Variants in ZNF701 observed in about 807,000 individuals in gnomAD.
ZNF701 encodes the protein zinc finger protein 701.
Under a neutral mutation model 7.1 loss-of-function variants are expected in ZNF701, and 6 were observed. The ratio of observed to expected loss-of-function variants is 0.84; its 90% confidence interval spans 0.46 to 1.66. The LOEUF (loss-of-function observed/expected upper bound fraction) is 1.66, where lower values mean the gene tolerates loss of function less well. Ranked by LOEUF, ZNF701 falls within the 40% of genes most tolerant of loss-of-function variation. The probability of loss-of-function intolerance (pLI) is 0.01; values close to 1 mark genes in which losing one functional copy is unlikely to be tolerated. For synonymous variants in ZNF701, 166 were observed against 188.2 expected, an observed-to-expected ratio of 0.88 and a Z score of 0.97; for missense variants, 541 against 559.2, an observed-to-expected ratio of 0.97 and a Z score of 0.33.
At chr19:52,573,870 C>A (rs1439372772) in intron 1 of ZNF701, among the ~76,000 whole-genome samples, 1 of 152,194 alleles carries the variant, frequency 6.6e-6, no homozygotes, top group African/African-American at 2.4e-5. Context: ...GAGCTCATTC[C>A]AGCCCAGCTC....
At chr19:52,578,753 C>T (rs930834764) in intron 3 of ZNF701, among the ~76,000 whole-genome samples, 8 of 152,202 alleles carry the variant, frequency 5.3e-5, no homozygotes, top group Middle Eastern at 3.4e-3. Context: ...ACTACGTTAG[C>T]GTCCATTTCT....
intron 2 of ZNF701, among the ~76,000 whole-genome samples, chr19:52,575,131 G>T (rs755189548): frequency 6.6e-6 from 1 of 151,958 alleles, no homozygotes; most frequent in Non-Finnish European, 1.5e-5. Context: ...CACCACGCCC[G>T]GATAATTTTT....
rs533107871 is a variant in ZNF701 at position 52,574,663 on chromosome 19, C to G, written c.15+501C>G. 4.6e-5 allele frequency among the ~76,000 whole-genome samples: 7 copies of G among 152,160 alleles called. No individual in the cohort carries two copies. The South Asian group carries it at 1.5e-3, about 32-fold the overall frequency. ...TGTGTTTCTGACTCAAAAAATTGTA[C>G]TAATTAGAATGGAAAGTTCATAAAC... On this transcript the variant is annotated intron_variant, in intron 2 of 3. Coordinates refer to ENST00000391785, the MANE Select transcript of ZNF701 (RefSeq NM_018260.3).
At chr19:52,572,641 G>A (rs117655525) in intron 1 of ZNF701, 26 of 346,928 alleles carry the variant, frequency 7.5e-5, no homozygotes, top group East Asian at 8.3e-5. Context: ...AAATGTCCCC[G>A]TTCTGAGGAT....
At chr19:52,577,053 GA>G (rs2059939315) in intron 3 of ZNF701, among the ~76,000 whole-genome samples, 1 of 152,170 alleles carries the variant, frequency 6.6e-6, no homozygotes, top group South Asian at 2.1e-4. Context: ...TGAGATCTCT[GA>G]AATGACATCT....
chr19:52,590,986 C>T (rs562754487), downstream of ZNF701, among the ~76,000 whole-genome samples: 3 of 152,036 alleles, frequency 2.0e-5, no homozygotes, highest in African/African-American at 2.4e-5. Context: ...ACTACAGGCA[C>T]GCACCACCAT....
rs1487291202 is a variant in ZNF701, at chr19:52,587,100, A to G, written c.*3643A>G. On this transcript the variant is annotated 3_prime_UTR_variant, in exon 4 of 4. Coordinates refer to ENST00000391785, the MANE Select transcript of ZNF701 (RefSeq NM_018260.3). ...CCTACACATCTCAGATGAGGGTGAC[A>G]GTGTACTTCTGGGTGCTTAGCTGAG... The G allele has an allele frequency of 6.6e-6, 1 of 152,208 alleles. No individual in the cohort carries two copies. The highest frequency in any genetic ancestry group is 2.4e-5 in the African/African-American group (1 of 41,452). The allele number at this position is 152,208 out of a possible 1,614,324, so 9.4% of individuals were successfully genotyped here.
At chr19:52,591,382 T>C (rs1395004967), downstream of ZNF701, among the ~76,000 whole-genome samples, 9 of 152,096 alleles carry the variant, frequency 5.9e-5, no homozygotes, top group Non-Finnish European at 1.2e-4. Context: ...GTTTTCACCA[T>C]GTTGGCCAGG....
At chr19:52,582,056 A>T (rs1221305273) in intron 3 of ZNF701, 146 bp from the exon 4 acceptor site, 3 of 628,808 alleles carry the variant, frequency 4.8e-6, no homozygotes, top group Non-Finnish European at 7.6e-6. Context: ...TTATTAAAGG[A>T]TCTTACTCCT....
the ZNF701 span, among the ~76,000 whole-genome samples, chr19:52,598,425 T>C: frequency 4.7e-5 from 7 of 150,444 alleles, no homozygotes; most frequent in East Asian, 2.0e-4. Flanking sequence ...TGGGGCAGGG[T>C]GGGGGAGAGG....
At chr19:52,577,256 T>C (rs889281843) in intron 3 of ZNF701, among the ~76,000 whole-genome samples, 18 of 152,080 alleles carry the variant, frequency 1.2e-4, no homozygotes, top group African/African-American at 3.9e-4. Context: ...CTCACCACCA[T>C]GCCCAGCTAA....
rs2059992268 is a variant in ZNF701 at position 52,583,789 on chromosome 19, A to T, written c.*332A>T. 3 of 625,006 alleles carry T rather than the reference A, an allele frequency of 4.8e-6. No individual in the cohort carries two copies. The Admixed American group carries it at 7.2e-5, about 15-fold the overall frequency. The allele number at this position is 625,006 out of a possible 1,614,324, so 38.7% of individuals were successfully genotyped here. A position where few individuals can be genotyped will look rare whatever the true frequency, so the allele number is the denominator to read the frequency against. Reference sequence around the variant, plus strand: ...GCAATCCATGGTATAGGGAAACTTGACTAATGTAATGATTGTCACAAAGTC... The same window carrying T: ...GCAATCCATGGTATAGGGAAACTTGTCTAATGTAATGATTGTCACAAAGTC... On this transcript the variant is annotated 3_prime_UTR_variant, in exon 4 of 4. Coordinates refer to ENST00000391785, the MANE Select transcript of ZNF701 (RefSeq NM_018260.3).
the ZNF701 span, chr19:52,597,843 C>G: frequency 5.2e-5 from 9 of 172,940 alleles, no homozygotes; most frequent in African/African-American, 2.2e-4. Context: ...AGCTGGACCC[C>G]AGGTGTCGTC....
intron 1 of ZNF701, among the ~76,000 whole-genome samples, chr19:52,571,274 C>T (rs1472115942): frequency 6.6e-6 from 1 of 151,256 alleles, no homozygotes; most frequent in Non-Finnish European, 1.5e-5. Context: ...GGAGCCAGGG[C>T]AGACAGAGCA....
intron 3 of ZNF701, among the ~76,000 whole-genome samples, chr19:52,580,774 C>A (rs1487364153): frequency 6.6e-6 from 1 of 151,940 alleles, no homozygotes; most frequent in East Asian, 1.9e-4. Context: ...TATGACTTTA[C>A]CTGTGAGTTT....
At chr19:52,598,405 C>A in the ZNF701 span, among the ~76,000 whole-genome samples, 20 of 152,190 alleles carry the variant, frequency 1.3e-4, no homozygotes, top group East Asian at 3.5e-3. Context: ...GGGGCGAGCT[C>A]CCCTCTGTCT....
At chr19:52,574,992 C>T (rs1201123039) in intron 2 of ZNF701, among the ~76,000 whole-genome samples, 3 of 152,008 alleles carry the variant, frequency 2.0e-5, no homozygotes, top group Non-Finnish European at 4.4e-5. Context: ...TTTTTCGAGA[C>T]GGAGTCTCGC....
the ZNF701 span, among the ~76,000 whole-genome samples, chr19:52,599,287 AAAC>A: frequency 2.0e-5 from 3 of 152,082 alleles, no homozygotes. Context: ...TTTGAAAGGC[AAAC>A]AACAAGGGAA....
In ZNF701 at chr19:52,583,189, C is replaced by A. The variant is rs764533071; in HGVS notation, c.1130C>A (p.Thr377Asn). Residue 377 changes from threonine (T) to asparagine (N), a missense_variant, in exon 4 of 4, where the codon ACT becomes AAT. Transcript: ENST00000391785. ...CTGGCACAACATACTGTAATTCACA[C>A]TGGAGAGAAACCTTACAAGTGTAAT... is the stretch of plus-strand genomic sequence containing the variant. ...SHLAQHTVIHTGEKPYKCNEC... is the reference protein window; with the variant it reads ...SHLAQHTVIHNGEKPYKCNEC... The A allele has an allele frequency of 1.2e-6, 2 of 1,613,874 alleles. No homozygotes were observed. The highest frequency in any genetic ancestry group is 1.1e-5 in the South Asian group (1 of 91,070).
Sources: gnomAD v4.1 joint callset for allele counts (sites outside exome capture counted in the v4.1 genomes callset) on GRCh38, gnomAD v4.1.1 for gene constraint, MANE v1.5 for transcripts, NCBI Gene and HGNC (gene_info 2026-07-23, HGNC 2026-07-21) for gene names.